FAR2: variants seen among roughly 807,000 people sequenced by gnomAD.
The protein encoded by FAR2 is fatty acyl-CoA reductase 2, also known as epididymis secretory protein Li 81.
FAR2 carries 19 observed loss-of-function variants against 56.0 expected under a neutral mutation model. The ratio of observed to expected loss-of-function variants is 0.34; its 90% CI spans 0.24 to 0.50. FAR2 has a LOEUF of 0.50. Among genes scored for constraint, FAR2 ranks in the 20% least tolerant of loss-of-function variants. The pLI is 0.98. For missense variants in FAR2, 508 were observed against 642.2 expected (o/e 0.79, Z 2.26); for synonymous variants, 219 against 218.8 (o/e 1.00, Z -0.01).
At chr12:29,161,977 T>A (rs1949785416) in intron 1 of FAR2, among the ~76,000 whole-genome samples, 1 of 152,216 alleles carries the variant, frequency 6.6e-6, no homozygotes, top group South Asian at 2.1e-4. Context: ...GTTATCTATC[T>A]TTTTCATAGT....
intron 2 of FAR2, among the ~76,000 whole-genome samples, chr12:29,289,530 AAAATC>A (rs1375298052): frequency 7.6e-4 from 116 of 152,344 alleles, no homozygotes; most frequent in African/African-American, 2.7e-3. Context: ...TCCATATACA[AAAATC>A]AAATCAAAAT....
At chr12:29,154,398 T>C (rs556345773) in intron 1 of FAR2, among the ~76,000 whole-genome samples, 1 of 151,138 alleles carries the variant, frequency 6.6e-6, no homozygotes, top group Non-Finnish European at 1.5e-5. Flanking sequence ...ACTTAACCAG[T>C]TGTGGTTTTG....
chr12:29,239,799 AAT>A (rs1162041389), intron 1 of FAR2, among the ~76,000 whole-genome samples: 1 of 152,212 alleles, frequency 6.6e-6, no homozygotes, highest in African/African-American at 2.4e-5. Context: ...GTAGATGATT[AAT>A]ATATATCCTC....
At chr12:29,176,679 A>G (rs1391290258) in intron 1 of FAR2, among the ~76,000 whole-genome samples, 2 of 152,250 alleles carry the variant, frequency 1.3e-5, no homozygotes, top group Admixed American at 6.5e-5. Context: ...AAATGATGCT[A>G]TAAATATAGT....
chr12:29,181,208 C>T (rs530223641), intron 1 of FAR2, among the ~76,000 whole-genome samples: 3 of 152,126 alleles, frequency 2.0e-5, no homozygotes, highest in South Asian at 2.1e-4. Context: ...GACGTTCACC[C>T]GTAGAATTAC....
intron 1 of FAR2, among the ~76,000 whole-genome samples, chr12:29,260,758 G>A (rs1948404379): frequency 6.6e-6 from 1 of 152,186 alleles, no homozygotes; most frequent in Non-Finnish European, 1.5e-5. Flanking sequence ...CTGGGTCCAG[G>A]AAAAGCTCAC....
At chr12:29,197,665 TAATA>T (rs1950154453) in intron 1 of FAR2, among the ~76,000 whole-genome samples, 1 of 152,294 alleles carries the variant, frequency 6.6e-6, no homozygotes, top group East Asian at 1.9e-4. Context: ...AAAGTTTAAT[TAATA>T]TATTTTTTAA....
In FAR2 at chr12:29,305,129, T is replaced by G. The variant is rs142782781; in HGVS notation, c.546-2529T>G. 2.1e-5 allele frequency among the ~76,000 whole-genome samples: 3 copies of G among 144,610 alleles called. No individual in the cohort carries two copies. In the East Asian group the frequency reaches 6.3e-4, roughly 30 times the overall value. The allele number at this position is 144,610 out of a possible 152,430, so 94.9% of individuals were successfully genotyped here. ...ATTTTTATTTGTTTTATTTGTTTAT[T>G]TTTATTTTTATTTATTTTATTTTTT... On this transcript the variant is annotated intron_variant, in intron 4 of 11. Coordinates refer to ENST00000536681, the MANE Select transcript of FAR2 (RefSeq NM_001271783.2).
At chr12:29,219,539 G>A (rs1947660855) in intron 1 of FAR2, among the ~76,000 whole-genome samples, 1 of 151,998 alleles carries the variant, frequency 6.6e-6, no homozygotes, top group African/African-American at 2.4e-5. Context: ...TCAGCACCTA[G>A]ATGAGTACCT....
intron 1 of FAR2, among the ~76,000 whole-genome samples, chr12:29,231,994 A>C (rs12320498): frequency 0.05 from 7,683 of 152,260 alleles, 475 homozygotes; most frequent in African/African-American, 0.15. Context: ...ATAGATAAGC[A>C]TGATATTATG....
intron 11 of FAR2, chr12:29,333,025 T>C (rs554979686): frequency 1.9e-5 from 8 of 420,718 alleles, no homozygotes; most frequent in South Asian, 1.4e-4. Flanking sequence ...TGAACCCAAA[T>C]TTGTTTCTTC....
At chr12:29,279,005 A>C (rs1948745151) in intron 2 of FAR2, among the ~76,000 whole-genome samples, 1 of 152,222 alleles carries the variant, frequency 6.6e-6, no homozygotes, top group Non-Finnish European at 1.5e-5. Context: ...TAGTAAAAGC[A>C]AAAAGCTTAT....
intron 1 of FAR2, among the ~76,000 whole-genome samples, chr12:29,196,840 A>C (rs1409546620): frequency 6.6e-6 from 1 of 152,220 alleles, no homozygotes; most frequent in Non-Finnish European, 1.5e-5. Context: ...GAATGGGAAA[A>C]AGTATTTAAA....
intron 1 of FAR2, among the ~76,000 whole-genome samples, chr12:29,181,881 G>C (rs1949995064): frequency 6.6e-6 from 1 of 152,188 alleles, no homozygotes; most frequent in Middle Eastern, 3.2e-3. Context: ...AGATTTTTAG[G>C]CCTTTGTATT....
intron 2 of FAR2, among the ~76,000 whole-genome samples, chr12:29,285,204 T>TGCTTGCCCTGG (rs111377746): frequency 2.0e-5 from 3 of 151,550 alleles, no homozygotes; most frequent in South Asian, 2.1e-4. Context: ...AGTGTGTTCA[T>TGCTTGCCCTGG]GCTTCGCTGT....
intron 1 of FAR2, among the ~76,000 whole-genome samples, chr12:29,263,929 G>A (rs544981246): frequency 1.3e-5 from 2 of 151,960 alleles, no homozygotes; most frequent in South Asian, 4.2e-4. Flanking sequence ...AAAAATAGAG[G>A]AGGAAGGAAT....
chr12:29,311,963 G>A lies in FAR2; in HGVS notation c.955+13G>A. ...TGGCACAAAATGGGTAAGTACTTTAGCTATGTAACTCTATAATTACTAGTG... is the reference window on the plus strand; with the variant it reads ...TGGCACAAAATGGGTAAGTACTTTAACTATGTAACTCTATAATTACTAGTG... On this transcript the variant is annotated intron_variant, in intron 8 of 11. Transcript: ENST00000536681. The A allele has an allele frequency of 4.4e-6, 7 of 1,590,068 alleles. No homozygotes were observed. Among genetic ancestry groups the A allele is most frequent in the South Asian group, 1.1e-5 (1 of 89,888 alleles).
intron 10 of FAR2, among the ~76,000 whole-genome samples, chr12:29,323,219 C>T (rs1347935752): frequency 6.6e-6 from 1 of 152,212 alleles, no homozygotes; most frequent in African/African-American, 2.4e-5. Flanking sequence ...CGCCATTGCT[C>T]AGGCCTGAGT....
intron 1 of FAR2, among the ~76,000 whole-genome samples, chr12:29,162,948 G>C (rs1276277608): frequency 6.6e-6 from 1 of 152,206 alleles, no homozygotes. Flanking sequence ...ATATTAAGAA[G>C]AGTAAAACAC....
Sources: allele counts gnomAD v4.1 joint callset (sites outside exome capture counted in the v4.1 genomes callset), GRCh38; gene constraint gnomAD v4.1.1; transcripts MANE v1.5; gene names NCBI Gene and HGNC (gene_info 2026-07-23, HGNC 2026-07-21).